THSD7B: variants seen among roughly 807,000 people sequenced by gnomAD.
The protein encoded by THSD7B is thrombospondin type-1 domain-containing protein 7B.
THSD7B carries 138 observed loss-of-function variants against 213.6 expected under a neutral mutation model. The observed-to-expected ratio is 0.65, with a 90% confidence interval of 0.56 to 0.74. The LOEUF (loss-of-function observed/expected upper bound fraction) is 0.74, where lower values mean the gene tolerates loss of function less well. THSD7B is among the 30% of genes least tolerant of loss of function. The pLI, the probability that THSD7B is intolerant of heterozygous loss-of-function variation, is 0.00. For missense variants in THSD7B, 1,931 were observed against 1,991.5 expected, an observed-to-expected ratio of 0.97 and a Z score of 0.58; for synonymous variants, 742 against 687.0, an observed-to-expected ratio of 1.08 and a Z score of -1.25.
At chr2:137,241,490 T>C (rs4954489) in intron 9 of THSD7B, among the ~76,000 whole-genome samples, 34,560 of 152,208 alleles carry the variant, frequency 0.23, 4,776 homozygotes, top group South Asian at 0.43. Flanking sequence ...GTCTGGGCAC[T>C]AAATTAATTA....
At chr2:136,979,456 A>G (rs1243649612) in intron 2 of THSD7B, among the ~76,000 whole-genome samples, 2 of 152,024 alleles carry the variant, frequency 1.3e-5, no homozygotes, top group Non-Finnish European at 2.9e-5. Context: ...ATCTTTTTAC[A>G]TCATCCCATA....
chr2:137,512,203 T>C (rs548916952), intron 15 of THSD7B: 3 of 152,128 alleles, frequency 2.0e-5, no homozygotes, highest in Non-Finnish European at 4.4e-5. Context: ...CAGGGTGATA[T>C]GGCCATAGAG....
At chr2:137,630,026 C>T (rs1682711975) in intron 20 of THSD7B, among the ~76,000 whole-genome samples, 1 of 151,666 alleles carries the variant, frequency 6.6e-6, no homozygotes, top group Non-Finnish European at 1.5e-5. Context: ...CAGAATCTTG[C>T]TCTGTTGCCC....
chr2:136,890,351 T>C (rs376866003), intron 2 of THSD7B, among the ~76,000 whole-genome samples: 2,165 of 6,930 alleles, frequency 0.31, 43 homozygotes, highest in Middle Eastern at 0.56. Flanking sequence ...TTCTTCTTCT[T>C]CTTCTTCTTC....
chr2:137,654,444 A>G (rs2104815349), intron 21 of THSD7B, among the ~76,000 whole-genome samples: 1 of 152,270 alleles, frequency 6.6e-6, no homozygotes, highest in East Asian at 1.9e-4. Flanking sequence ...TTCTTCAGGC[A>G]CTTCCCATGC....
At chr2:137,345,177 A>G (rs1420830829) in intron 12 of THSD7B, among the ~76,000 whole-genome samples, 1 of 151,746 alleles carries the variant, frequency 6.6e-6, no homozygotes, top group East Asian at 1.9e-4. Flanking sequence ...AAATGTTGTT[A>G]GCCATCAAAC....
At chr2:136,959,760 A>G (rs1685186205) in intron 2 of THSD7B, among the ~76,000 whole-genome samples, 2 of 152,176 alleles carry the variant, frequency 1.3e-5, no homozygotes, top group African/African-American at 4.8e-5. Flanking sequence ...TTTATCATAA[A>G]CACATAAACA....
chr2:137,142,822 G>A (rs1220927115), intron 5 of THSD7B, among the ~76,000 whole-genome samples: 1 of 152,004 alleles, frequency 6.6e-6, no homozygotes, highest in South Asian at 2.1e-4. Flanking sequence ...TTAAGTAAGG[G>A]CGATTGTTTT....
rs921142309 is a variant in THSD7B, at chr2:137,199,276, C to A, written c.1723+28338C>A. 3.9e-5 allele frequency among the ~76,000 whole-genome samples: 6 copies of A among 152,036 alleles called. No individual in the cohort carries two copies. In the East Asian group the frequency reaches 1.2e-3, roughly 29 times the overall value. ...AAAAATATATCGAAAGATAATGTAT[C>A]TAGTCTTTTCTCACTCTAAAAATAT... On this transcript the variant is annotated intron_variant, in intron 7 of 27. Transcript: ENST00000409968.
intron 1 of THSD7B, among the ~76,000 whole-genome samples, chr2:136,833,768 C>A (rs1318783428): frequency 6.6e-6 from 1 of 152,090 alleles, no homozygotes; most frequent in Non-Finnish European, 1.5e-5. Flanking sequence ...TGTCATAGGT[C>A]TCCTTGCTCA....
chr2:136,964,778 G>A (rs1685284971), intron 2 of THSD7B, among the ~76,000 whole-genome samples: 1 of 152,066 alleles, frequency 6.6e-6, no homozygotes, highest in Non-Finnish European at 1.5e-5. Flanking sequence ...CGAGGCAGGT[G>A]GATCATGAGG....
intron 4 of THSD7B, among the ~76,000 whole-genome samples, chr2:137,102,375 A>G (rs1688168079): frequency 6.6e-6 from 1 of 152,180 alleles, no homozygotes; most frequent in African/African-American, 2.4e-5. Context: ...CAAAAACCCC[A>G]TCAGAAGTTC....
At chr2:137,453,529 C>A (rs962631594) in intron 15 of THSD7B, among the ~76,000 whole-genome samples, 8 of 151,844 alleles carry the variant, frequency 5.3e-5, no homozygotes, top group African/African-American at 1.9e-4. Flanking sequence ...CAGGGTTTCA[C>A]TGTGTTAGCC....
chr2:136,788,549 G>GA lies in THSD7B; in HGVS notation c.-36+22863dup, dbSNP rs1234642263. 5.3e-5 allele frequency among the ~76,000 whole-genome samples: 8 copies of GA among 152,184 alleles called. No homozygotes were observed. In the East Asian group the frequency reaches 1.5e-3, roughly 29 times the overall value. On this transcript the variant is annotated intron_variant, in intron 1 of 27. Transcript: ENST00000409968. ...AGGAAAAAAATATTCTTTTATATTTGATTTTTTTTCCTTTGGAGAATACAT... is the reference window on the plus strand; with the variant it reads ...AGGAAAAAAATATTCTTTTATATTTGAATTTTTTTTCCTTTGGAGAATACAT...
rs115944986 is a variant in THSD7B, at chr2:136,888,802, G to T, written c.139+6485G>T. On this transcript the variant is annotated intron_variant, in intron 2 of 27. Coordinates refer to ENST00000409968, the MANE Select transcript of THSD7B (RefSeq NM_001316349.2). ...TTTTCTAAGTAGTATTAAAATATAG[G>T]CTCCCTGAGGACAGGGCATTTTGCT... Among the ~76,000 whole-genome samples the T allele has an allele frequency of 8.8e-3, 1,337 of 151,866 alleles. 15 individuals are homozygous for T. The highest frequency in any genetic ancestry group is 0.02 in the South Asian group (94 of 4,796).
At chr2:137,479,901 A>G (rs1688268521) in intron 15 of THSD7B, among the ~76,000 whole-genome samples, 1 of 152,122 alleles carries the variant, frequency 6.6e-6, no homozygotes, top group African/African-American at 2.4e-5. Context: ...CTGGTGCACA[A>G]TCTCCAGGCA....
intron 15 of THSD7B, among the ~76,000 whole-genome samples, chr2:137,544,537 G>C (rs1033370106): frequency 1.3e-5 from 2 of 151,726 alleles, no homozygotes; most frequent in Non-Finnish European, 2.9e-5. Context: ...GTTATGGATG[G>C]ACAACTTTAT....
At chr2:137,556,333 C>T (rs559585826) in intron 15 of THSD7B, among the ~76,000 whole-genome samples, 1 of 152,176 alleles carries the variant, frequency 6.6e-6, no homozygotes, top group Non-Finnish European at 1.5e-5. Flanking sequence ...ATCAGACTAA[C>T]AGCTGATCTC....
chr2:136,871,259 G>A (rs1683428046), intron 1 of THSD7B, among the ~76,000 whole-genome samples: 2 of 152,124 alleles, frequency 1.3e-5, no homozygotes, highest in African/African-American at 4.8e-5. Context: ...GTTGAAGATA[G>A]GGGAATAGAT....
Sources: gnomAD v4.1 joint callset for allele counts (sites outside exome capture counted in the v4.1 genomes callset) on GRCh38, gnomAD v4.1.1 for gene constraint, MANE v1.5 for transcripts, NCBI Gene and HGNC (gene_info 2026-07-23, HGNC 2026-07-21) for gene names.